Variants in STK3 observed in about 807,000 individuals in gnomAD.
STK3 encodes the protein serine/threonine-protein kinase 3.
Under a neutral mutation model 58.0 loss-of-function variants are expected in STK3, and 41 were observed. The ratio of observed to expected loss-of-function variants is 0.71; its 90% CI spans 0.55 to 0.92. STK3 has a LOEUF of 0.92. Ranked by LOEUF, STK3 falls within the 40% of genes least tolerant of loss-of-function variation. The pLI, the probability that STK3 is intolerant of heterozygous loss-of-function variation, is 0.00. For missense variants in STK3, 479 were observed against 602.7 expected (o/e 0.79, Z 2.15); for synonymous variants, 170 against 191.0 (o/e 0.89, Z 0.91).
In STK3 at chr8:98,911,384, G is replaced by GTATT. The variant is rs201242993; in HGVS notation, c.-78-27554_-78-27551dup. Among the ~76,000 whole-genome samples the GTATT allele has an allele frequency of 1.5e-3, 156 of 107,028 alleles. 2 individuals are homozygous for GTATT. The East Asian group carries it at 0.017, about 11-fold the overall frequency. The allele number at this position is 107,028 out of a possible 152,430, so 70.2% of individuals were successfully genotyped here. A position where few individuals can be genotyped will look rare whatever the true frequency, so the allele number is the denominator to read the frequency against. ...GTATTACTCATATAAATATTGTATT[G>GTATT]TATTTATTTATTTATTTATTTATTT... On this transcript the variant is annotated intron_variant, in intron 1 of 1. Transcript: ENST00000519420.
chr8:98,359,681 T>C, the STK3 span, among the ~76,000 whole-genome samples: 46 of 152,308 alleles, frequency 3.0e-4, no homozygotes, highest in East Asian at 3.3e-3. Context: ...TCAGCCTCCA[T>C]AGAGCAGCCA....
At chr8:98,759,873 T>C (rs942123633) in intron 3 of STK3, among the ~76,000 whole-genome samples, 1 of 152,146 alleles carries the variant, frequency 6.6e-6, no homozygotes, top group African/African-American at 2.4e-5. Context: ...CCAAAATCCA[T>C]GAATGCACAA....
intron 3 of STK3, among the ~76,000 whole-genome samples, chr8:98,842,522 C>T (rs1236974248): frequency 2.0e-5 from 3 of 151,060 alleles, no homozygotes; most frequent in South Asian, 4.2e-4. Flanking sequence ...CAAAAAAATG[C>T]AAAAAATTAG....
intron 3 of STK3, among the ~76,000 whole-genome samples, chr8:98,854,918 G>T (rs553220224): frequency 6.6e-6 from 1 of 152,086 alleles, no homozygotes; most frequent in South Asian, 2.1e-4. Context: ...TTAGCCAGGC[G>T]TGGTGGTGTG....
chr8:98,914,693 A>T (rs1839279864), intron 1 of STK3, among the ~76,000 whole-genome samples: 2 of 152,162 alleles, frequency 1.3e-5, no homozygotes, highest in Admixed American at 1.3e-4. Context: ...GGTCCTCAAA[A>T]CAGGATGGTG....
chr8:98,553,390 T>C (rs1811342271), intron 8 of STK3: 1 of 152,152 alleles, frequency 6.6e-6, no homozygotes, highest in African/African-American at 2.4e-5. Flanking sequence ...TTGTTTACAG[T>C]TGTATTCCTG....
chr8:98,514,420 T>C (rs1824766079), intron 10 of STK3, among the ~76,000 whole-genome samples: 1 of 152,102 alleles, frequency 6.6e-6, no homozygotes, highest in African/African-American at 2.4e-5. Context: ...GTTTAAAAGT[T>C]ATTTACACCC....
chr8:98,500,754 G>A (rs1823517286), intron 10 of STK3, among the ~76,000 whole-genome samples: 1 of 152,058 alleles, frequency 6.6e-6, no homozygotes, highest in Non-Finnish European at 1.5e-5. Flanking sequence ...CTTTTTTATG[G>A]CTGCATAGTA....
chr8:98,863,604 C>T (rs981756397), intron 3 of STK3, among the ~76,000 whole-genome samples: 1 of 152,098 alleles, frequency 6.6e-6, no homozygotes, highest in Admixed American at 6.6e-5. Flanking sequence ...AAAAATAATA[C>T]ATATTTGCTA....
At chr8:98,863,881 T>G (rs1027940158) in intron 3 of STK3, among the ~76,000 whole-genome samples, 1 of 152,076 alleles carries the variant, frequency 6.6e-6, no homozygotes, top group Non-Finnish European at 1.5e-5. Flanking sequence ...TGGGTGGGGC[T>G]TCTAGGAAAG....
intron 8 of STK3, among the ~76,000 whole-genome samples, chr8:98,559,537 T>G (rs1341785940): frequency 6.6e-6 from 1 of 152,150 alleles, no homozygotes; most frequent in Non-Finnish European, 1.5e-5. Context: ...AACCACTTTT[T>G]GAGCAATCCA....
At chr8:98,420,939 G>A (rs1383325596) in intron 3 of STK3, among the ~76,000 whole-genome samples, 2 of 152,212 alleles carry the variant, frequency 1.3e-5, no homozygotes, top group African/African-American at 2.4e-5. Flanking sequence ...TGAGGAAAAT[G>A]AGGCATAGAG....
At chr8:98,621,896 CCTT>C (rs751664116) in intron 6 of STK3, among the ~76,000 whole-genome samples, 16 of 151,856 alleles carry the variant, frequency 1.1e-4, no homozygotes, top group Non-Finnish European at 1.5e-4. Flanking sequence ...ATGAGAAAAA[CCTT>C]CTTGTTGCAA....
chr8:98,569,769 G>A (rs1268732110), intron 8 of STK3, among the ~76,000 whole-genome samples: 3 of 151,568 alleles, frequency 2.0e-5, no homozygotes, highest in Non-Finnish European at 4.4e-5. Context: ...GACATAACAA[G>A]TAATCAATTC....
chr8:98,900,544 C>T (rs970936808), intron 1 of STK3, among the ~76,000 whole-genome samples: 3 of 152,078 alleles, frequency 2.0e-5, no homozygotes, highest in African/African-American at 7.2e-5. Context: ...TATATATTTA[C>T]AGTATACAAC....
At chr8:98,696,809 TA>T (rs1824988322) in intron 6 of STK3, among the ~76,000 whole-genome samples, 1 of 146,236 alleles carries the variant, frequency 6.8e-6, no homozygotes, top group Admixed American at 6.7e-5. Flanking sequence ...GATATTGGTC[TA>T]AAATTCTCTT....
At chr8:98,458,570 T>C (rs1177893663) in intron 10 of STK3, among the ~76,000 whole-genome samples, 2 of 152,160 alleles carry the variant, frequency 1.3e-5, no homozygotes, top group Non-Finnish European at 2.9e-5. Flanking sequence ...TTTACTGATA[T>C]GGTTTGGCTG....
At chr8:98,355,563 G>A in the STK3 span, among the ~76,000 whole-genome samples, 1 of 152,228 alleles carries the variant, frequency 6.6e-6, no homozygotes, top group Non-Finnish European at 1.5e-5. Flanking sequence ...GTAGCACTCA[G>A]AGAAGAAGTG....
chr8:98,900,614 T>C (rs1838619719), intron 1 of STK3, among the ~76,000 whole-genome samples: 1 of 152,118 alleles, frequency 6.6e-6, no homozygotes, highest in South Asian at 2.1e-4. Flanking sequence ...CTTCTGCTGT[T>C]TTCCCACGTG....
Sources: gnomAD v4.1 joint callset for allele counts (sites outside exome capture counted in the v4.1 genomes callset) on GRCh38, gnomAD v4.1.1 for gene constraint, MANE v1.5 for transcripts, NCBI Gene and HGNC (gene_info 2026-07-23, HGNC 2026-07-21) for gene names.